Variants in EPHA6 observed in about 807,000 individuals in gnomAD.
EPHA6 encodes ephrin type-A receptor 6.
EPHA6 carries 50 observed loss-of-function variants against 112.0 expected under a neutral mutation model. That is an observed-to-expected ratio of 0.45 (90% CI 0.36 to 0.56). The LOEUF is 0.56. EPHA6 is among the 20% of genes least tolerant of loss of function. The probability of loss-of-function intolerance (pLI) is 0.00; values close to 1 mark genes in which losing one functional copy is unlikely to be tolerated. For missense variants in EPHA6, 1,280 were observed against 1,417.4 expected (o/e 0.90, Z 1.56); for synonymous variants, 529 against 490.7 (o/e 1.08, Z -1.03).
At chr3:97,545,170 T>C (rs555348455) in intron 11 of EPHA6, among the ~76,000 whole-genome samples, 2 of 152,346 alleles carry the variant, frequency 1.3e-5, no homozygotes, top group East Asian at 1.9e-4. Context: ...GTGTCAATTT[T>C]AGATCTTTCC....
rs150360387 is a variant in EPHA6 at position 97,482,744 on chromosome 3, G to A, written c.2075-1190G>A. Among the ~76,000 whole-genome samples, 302 of 152,170 alleles carry A rather than the reference G, an allele frequency of 2.0e-3. 2 individuals are homozygous for A. The highest frequency in any genetic ancestry group is 6.9e-3 in the African/African-American group (287 of 41,518). ...CAAGGAGAGTCAAACAACAGTTAAC[G>A]CTGGGTATTATAAGACTTTCAAAAT... On this transcript the variant is annotated intron_variant, in intron 9 of 17. Transcript: ENST00000389672.
At chr3:97,525,148 T>C (rs2092601012) in intron 10 of EPHA6, among the ~76,000 whole-genome samples, 1 of 152,154 alleles carries the variant, frequency 6.6e-6, no homozygotes, top group African/African-American at 2.4e-5. Flanking sequence ...CATTTGATGG[T>C]GTCCCATATA....
At chr3:97,143,415 G>A (rs995915720) in intron 3 of EPHA6, among the ~76,000 whole-genome samples, 16 of 151,866 alleles carry the variant, frequency 1.1e-4, no homozygotes, top group African/African-American at 2.4e-4. Flanking sequence ...ATGAAATGCC[G>A]TATTTACAAA....
chr3:96,870,007 G>A (rs1438158843), intron 2 of EPHA6, among the ~76,000 whole-genome samples: 2 of 152,026 alleles, frequency 1.3e-5, no homozygotes, highest in Admixed American at 1.3e-4. Flanking sequence ...TACAAGATAT[G>A]TGATCTTATC....
chr3:97,396,229 C>T (rs1341485377), intron 5 of EPHA6, among the ~76,000 whole-genome samples: 1 of 150,760 alleles, frequency 6.6e-6, no homozygotes, highest in African/African-American at 2.4e-5. Context: ...TGTGCTCTCA[C>T]TGTGTATCTC....
At chr3:97,088,627 T>C (rs772771822) in intron 3 of EPHA6, among the ~76,000 whole-genome samples, 1 of 152,208 alleles carries the variant, frequency 6.6e-6, no homozygotes, top group African/African-American at 2.4e-5. Context: ...TCATTTCCCC[T>C]GACTCTACTT....
At chr3:97,524,008 A>G (rs1410128853) in intron 10 of EPHA6, among the ~76,000 whole-genome samples, 3 of 151,978 alleles carry the variant, frequency 2.0e-5, no homozygotes, top group African/African-American at 7.2e-5. Flanking sequence ...AGATTTTTGG[A>G]GGGAAAATAT....
chr3:97,237,599 A>G (rs906509932), intron 4 of EPHA6, among the ~76,000 whole-genome samples: 2 of 152,028 alleles, frequency 1.3e-5, no homozygotes, highest in South Asian at 2.1e-4. Context: ...ACAGATCATT[A>G]TCAAGAAATC....
chr3:96,824,913 G>A (rs758744841), intron 1 of EPHA6, among the ~76,000 whole-genome samples: 16 of 151,850 alleles, frequency 1.1e-4, no homozygotes, highest in Non-Finnish European at 2.2e-4. Context: ...AAAGGACAGT[G>A]TTATAAAATT....
chr3:97,130,600 C>T (rs1361766982), intron 3 of EPHA6, among the ~76,000 whole-genome samples: 1 of 152,110 alleles, frequency 6.6e-6, no homozygotes. Flanking sequence ...TACAAAATTT[C>T]CACTTATACA....
intron 14 of EPHA6, among the ~76,000 whole-genome samples, chr3:97,672,441 T>G (rs933249175): frequency 6.6e-6 from 1 of 152,102 alleles, no homozygotes; most frequent in African/African-American, 2.4e-5. Context: ...TTATTTTTAC[T>G]TGTTGGTGGG....
chr3:97,376,104 ATTATAC>A (rs1388650905), intron 5 of EPHA6, among the ~76,000 whole-genome samples: 1 of 152,188 alleles, frequency 6.6e-6, no homozygotes, highest in Non-Finnish European at 1.5e-5. Context: ...ATTTAACAAA[ATTATAC>A]TTATATTCCA....
chr3:97,227,160 T>C (rs985445103), intron 4 of EPHA6, among the ~76,000 whole-genome samples: 1 of 152,114 alleles, frequency 6.6e-6, no homozygotes, highest in Non-Finnish European at 1.5e-5. Flanking sequence ...TAAAGTTTTG[T>C]TTAATATGTT....
Position 97,747,337 on chromosome 3 carries a change from T to C in EPHA6, c.3129-86T>C. On this transcript the variant is annotated intron_variant, in intron 16 of 17. Transcript: ENST00000389672. ...AAAAACATTAGATGTAAGAATATTG[T>C]AAAAGTAAAAATAAAGTTCCGTGAT... is the stretch of plus-strand genomic sequence containing the variant. The C allele has an allele frequency of 2.5e-6, 3 of 1,190,236 alleles. No homozygotes were observed. In the South Asian group the frequency reaches 6.4e-5, roughly 25 times the overall value. The allele number at this position is 1,190,236 out of a possible 1,614,324, so 73.7% of individuals were successfully genotyped here.
intron 14 of EPHA6, chr3:97,646,432 A>T: frequency 1.3e-6 from 1 of 746,476 alleles, no homozygotes; most frequent in East Asian, 3.1e-5. Context: ...TATAAGTAGA[A>T]ATTCTAATAT....
chr3:97,179,002 G>T (rs558941626), intron 3 of EPHA6, among the ~76,000 whole-genome samples: 1 of 151,870 alleles, frequency 6.6e-6, no homozygotes, highest in South Asian at 2.1e-4. Flanking sequence ...TCTAGATACT[G>T]TAGAATCTAG....
chr3:97,520,062 G>A (rs1174967175), intron 10 of EPHA6, among the ~76,000 whole-genome samples: 1 of 151,148 alleles, frequency 6.6e-6, no homozygotes, highest in East Asian at 1.9e-4. Flanking sequence ...CTGCCTCCCG[G>A]GTTCATGCCA....
At chr3:97,698,966 A>T (rs2033204612) in intron 14 of EPHA6, among the ~76,000 whole-genome samples, 1 of 152,238 alleles carries the variant, frequency 6.6e-6, no homozygotes, top group Non-Finnish European at 1.5e-5. Context: ...GAAGCTTAAG[A>T]TGTTTAAATG....
At chr3:97,718,846 A>T (rs1448378380) in intron 14 of EPHA6, among the ~76,000 whole-genome samples, 1 of 152,184 alleles carries the variant, frequency 6.6e-6, no homozygotes, top group Non-Finnish European at 1.5e-5. Context: ...ATATGACAGC[A>T]TTAATATACA....
Sources: allele counts gnomAD v4.1 joint callset (sites outside exome capture counted in the v4.1 genomes callset), GRCh38; gene constraint gnomAD v4.1.1; transcripts MANE v1.5; gene names NCBI Gene and HGNC (gene_info 2026-07-23, HGNC 2026-07-21).